GALNTL6: variants seen among roughly 807,000 people sequenced by gnomAD.
GALNTL6 encodes the protein polypeptide N-acetylgalactosaminyltransferase-like 6.
Under a neutral mutation model 73.7 loss-of-function variants are expected in GALNTL6, and 46 were observed. The ratio of observed to expected loss-of-function variants is 0.62; its 90% CI spans 0.49 to 0.80. GALNTL6 has a LOEUF of 0.80. GALNTL6 is among the 30% of genes least tolerant of loss of function. The probability of loss-of-function intolerance (pLI) is 0.00; values close to 1 mark genes in which losing one functional copy is unlikely to be tolerated. For missense variants in GALNTL6, 604 were observed against 755.0 expected (o/e 0.80, Z 2.34); for synonymous variants, 259 against 263.7 (o/e 0.98, Z 0.17).
At chr4:172,710,405 G>T (rs749553020) in intron 5 of GALNTL6, among the ~76,000 whole-genome samples, 1 of 152,066 alleles carries the variant, frequency 6.6e-6, no homozygotes, top group Non-Finnish European at 1.5e-5. Flanking sequence ...AAAAGAGGAA[G>T]TTAAAATAGC....
At chr4:172,475,640 A>G (rs1451612023) in intron 5 of GALNTL6, among the ~76,000 whole-genome samples, 1 of 152,202 alleles carries the variant, frequency 6.6e-6, no homozygotes, top group South Asian at 2.1e-4. Context: ...AATTCATATA[A>G]TCCTAGATTT....
chr4:171,992,306 T>C (rs1309404808), intron 2 of GALNTL6, among the ~76,000 whole-genome samples: 1 of 152,050 alleles, frequency 6.6e-6, no homozygotes. Context: ...AGTATATTTT[T>C]TACTAGGAAT....
intron 5 of GALNTL6, among the ~76,000 whole-genome samples, chr4:172,620,923 C>G (rs1738928268): frequency 6.6e-6 from 1 of 152,202 alleles, no homozygotes; most frequent in Admixed American, 6.5e-5. Context: ...TTTCATAACG[C>G]ATTCCCTCTG....
intron 4 of GALNTL6, among the ~76,000 whole-genome samples, chr4:172,340,746 A>G (rs561295427): frequency 6.6e-6 from 1 of 152,300 alleles, no homozygotes; most frequent in African/African-American, 2.4e-5. Context: ...AAACCCGTCT[A>G]ACTCTTTCCA....
At chr4:171,923,826 G>T (rs1322849571) in intron 2 of GALNTL6, among the ~76,000 whole-genome samples, 1 of 144,928 alleles carries the variant, frequency 6.9e-6, no homozygotes, top group African/African-American at 2.5e-5. Context: ...GTGTGTGTGT[G>T]TTTGAAGTTC....
chr4:171,857,423 G>A (rs540930344), intron 2 of GALNTL6, among the ~76,000 whole-genome samples: 1 of 152,124 alleles, frequency 6.6e-6, no homozygotes, highest in Non-Finnish European at 1.5e-5. Flanking sequence ...AGATGTGGTG[G>A]TGATGGCTTT....
intron 3 of GALNTL6, among the ~76,000 whole-genome samples, chr4:172,269,318 T>C (rs182006651): frequency 6.6e-6 from 1 of 152,286 alleles, no homozygotes; most frequent in East Asian, 1.9e-4. Flanking sequence ...AGATATGGCA[T>C]CCTTAAAGGA....
At chr4:172,069,397 T>C (rs1459971050) in intron 2 of GALNTL6, among the ~76,000 whole-genome samples, 2 of 98,712 alleles carry the variant, frequency 2.0e-5, no homozygotes, top group East Asian at 4.6e-4. Context: ...ACATATGTGT[T>C]ATATATAACA....
intron 3 of GALNTL6, among the ~76,000 whole-genome samples, chr4:172,253,428 A>C (rs1306387159): frequency 6.6e-6 from 1 of 151,966 alleles, no homozygotes; most frequent in East Asian, 1.9e-4. Context: ...AAGCCAGGGG[A>C]ATCTCATAGA....
chr4:172,819,532 G>A (rs1741807548), intron 7 of GALNTL6, among the ~76,000 whole-genome samples: 1 of 152,144 alleles, frequency 6.6e-6, no homozygotes. Flanking sequence ...TAACTTAACA[G>A]CTACTACTAG....
chr4:172,691,258 G>T (rs1015696630), intron 5 of GALNTL6, among the ~76,000 whole-genome samples: 1 of 152,102 alleles, frequency 6.6e-6, no homozygotes, highest in Non-Finnish European at 1.5e-5. Flanking sequence ...ATGAATATCT[G>T]GACAGAGGGT....
At chr4:172,224,247 G>A (rs1383776891) in intron 2 of GALNTL6, among the ~76,000 whole-genome samples, 1 of 152,144 alleles carries the variant, frequency 6.6e-6, no homozygotes, top group African/African-American at 2.4e-5. Flanking sequence ...GGTAGGTATT[G>A]TTCTTATTAC....
chr4:172,905,836 A>T (rs1409180315), intron 8 of GALNTL6, among the ~76,000 whole-genome samples: 1 of 135,092 alleles, frequency 7.4e-6, no homozygotes, highest in Non-Finnish European at 1.6e-5. Context: ...AAAAAAAAAA[A>T]GGAGAACAAG....
chr4:171,955,709 A>G (rs6832654), intron 2 of GALNTL6, among the ~76,000 whole-genome samples: 72,178 of 151,670 alleles, frequency 0.48, 17,667 homozygotes, highest in Middle Eastern at 0.6. Flanking sequence ...TTTATCAATA[A>G]TAGGTTGAAT....
chr4:172,634,049 T>C lies in GALNTL6; in HGVS notation c.554-175312T>C, dbSNP rs1053120828. Among the ~76,000 whole-genome samples, 3 of 152,178 alleles carry C rather than the reference T, an allele frequency of 2.0e-5. No individual in the cohort carries two copies. The East Asian group carries it at 5.8e-4, about 29-fold the overall frequency. On this transcript the variant is annotated intron_variant, in intron 5 of 12. Coordinates refer to ENST00000506823, the MANE Select transcript of GALNTL6 (RefSeq NM_001034845.3). The stretch of plus-strand genomic sequence containing the variant: ...ACAGGCTAATACATAGTCCTAAACT[T>C]CATAACTTATCTAATGTAGCTCTCC...
At chr4:171,899,725 T>G (rs1248148543) in intron 2 of GALNTL6, among the ~76,000 whole-genome samples, 1 of 152,224 alleles carries the variant, frequency 6.6e-6, no homozygotes, top group Non-Finnish European at 1.5e-5. Flanking sequence ...CTGCTAATAT[T>G]TGGACCTCTT....
At position 172,084,057 on chromosome 4, in the gene GALNTL6, G is replaced by A. The variant is rs76594784; in HGVS notation, c.139-145599G>A. On this transcript the variant is annotated intron_variant, in intron 2 of 12. Coordinates refer to ENST00000506823, the MANE Select transcript of GALNTL6 (RefSeq NM_001034845.3). ...AGAAGGAACACCTGCAGAGATTGAT[G>A]TCATAGGAAACAAGAGGAAGTTTGA... Among the ~76,000 whole-genome samples, 770 of 152,310 alleles carry A rather than the reference G, an allele frequency of 5.1e-3. 3 individuals carry two copies. Among genetic ancestry groups the A allele is most frequent in the Non-Finnish European group, 6.9e-3 (468 of 68,012 alleles).
chr4:172,411,603 T>C (rs1313864013), intron 5 of GALNTL6, among the ~76,000 whole-genome samples: 2 of 150,174 alleles, frequency 1.3e-5, no homozygotes. Flanking sequence ...TTCACCTCAC[T>C]GGACATGTTG....
chr4:172,748,557 G>A (rs1737243214), intron 5 of GALNTL6, among the ~76,000 whole-genome samples: 1 of 152,014 alleles, frequency 6.6e-6, no homozygotes, highest in African/African-American at 2.4e-5. Flanking sequence ...ATCTAAAAAT[G>A]TTGAACTTAC....
Sources: gnomAD v4.1 joint callset for allele counts (sites outside exome capture counted in the v4.1 genomes callset) on GRCh38, gnomAD v4.1.1 for gene constraint, MANE v1.5 for transcripts, NCBI Gene and HGNC (gene_info 2026-07-23, HGNC 2026-07-21) for gene names.